The following RGS7 variants were observed in gnomAD, a reference collection of about 807,000 sequenced individuals.
The protein encoded by RGS7 is regulator of G-protein signaling 7.
In RGS7, 27 loss-of-function variants were observed where a neutral mutation model predicts 81.1. The observed-to-expected ratio is 0.33, with a 90% CI of 0.25 to 0.46. The LOEUF (loss-of-function observed/expected upper bound fraction) is 0.46. Among genes scored for constraint, RGS7 ranks in the 20% least tolerant of loss-of-function variants. The pLI, the probability that RGS7 is intolerant of heterozygous loss-of-function variation, is 1.00. For synonymous variants in RGS7, 208 were observed against 207.7 expected (o/e 1.00, Z -0.01); for missense variants, 396 against 607.4 (o/e 0.65, Z 3.66).
At chr1:240,941,016 G>A (rs1195178784) in intron 4 of RGS7, among the ~76,000 whole-genome samples, 4 of 152,104 alleles carry the variant, frequency 2.6e-5, no homozygotes, top group Non-Finnish European at 5.9e-5. Context: ...ATTTTCATTT[G>A]ATTTGATGAT....
At chr1:241,239,630 C>T (rs1306134061) in intron 2 of RGS7, among the ~76,000 whole-genome samples, 2 of 152,166 alleles carry the variant, frequency 1.3e-5, no homozygotes, top group African/African-American at 4.8e-5. Flanking sequence ...TTACTCTCCA[C>T]TCCTTACCAG....
At chr1:240,979,984 T>C (rs967983836) in intron 4 of RGS7, among the ~76,000 whole-genome samples, 5 of 152,304 alleles carry the variant, frequency 3.3e-5, no homozygotes, top group African/African-American at 1.2e-4. Flanking sequence ...ATATATTTTA[T>C]AAAAGTGTAC....
chr1:240,873,720 G>A (rs1015573493), intron 6 of RGS7, among the ~76,000 whole-genome samples: 1 of 152,096 alleles, frequency 6.6e-6, no homozygotes, highest in African/African-American at 2.4e-5. Flanking sequence ...ACAGGTCAGC[G>A]AGAAAATCAC....
At chr1:240,816,446 G>A (rs533272021) in intron 10 of RGS7, 31 bp from the exon 11 acceptor site, 4 of 1,374,012 alleles carry the variant, frequency 2.9e-6, no homozygotes, top group South Asian at 2.3e-5. Flanking sequence ...AACATTTTAG[G>A]ACAAAATACC....
At chr1:241,025,378 C>G (rs988612788) in intron 3 of RGS7, among the ~76,000 whole-genome samples, 2 of 152,152 alleles carry the variant, frequency 1.3e-5, no homozygotes, top group African/African-American at 4.8e-5. Context: ...TTAATCCTTA[C>G]AAAAATTATT....
intron 3 of RGS7, among the ~76,000 whole-genome samples, chr1:241,087,114 C>A (rs900278344): frequency 2.0e-5 from 3 of 152,154 alleles, no homozygotes; most frequent in African/African-American, 7.2e-5. Flanking sequence ...TATCGCTAGG[C>A]CTGACAAAAC....
chr1:241,217,154 G>C (rs1915882), intron 2 of RGS7, among the ~76,000 whole-genome samples: 46,468 of 151,950 alleles, frequency 0.31, 8,181 homozygotes, highest in East Asian at 0.59. Context: ...AATAGGATTG[G>C]TGTCCTTATA....
chr1:240,896,058 T>A (rs986256843), intron 6 of RGS7, among the ~76,000 whole-genome samples: 17 of 152,242 alleles, frequency 1.1e-4, no homozygotes, highest in Non-Finnish European at 2.1e-4. Flanking sequence ...GATTTTTTCA[T>A]GTGTCTTTTG....
intron 6 of RGS7, among the ~76,000 whole-genome samples, chr1:240,892,151 A>G (rs1668383915): frequency 6.6e-6 from 1 of 152,242 alleles, no homozygotes; most frequent in Admixed American, 6.5e-5. Flanking sequence ...ATATAACTCT[A>G]TGCTAATGGT....
chr1:241,131,539 TA>T (rs2067102149), intron 2 of RGS7, among the ~76,000 whole-genome samples: 1 of 152,124 alleles, frequency 6.6e-6, no homozygotes, highest in East Asian at 1.9e-4. Context: ...AGAAGACTGG[TA>T]AAAATTGGTA....
At position 241,297,628 on chromosome 1, in the gene RGS7, G is replaced by C. The variant is rs566312908; in HGVS notation, c.78+58071C>G. Among the ~76,000 whole-genome samples, 6 of 152,320 alleles carry C rather than the reference G, an allele frequency of 3.9e-5. No individual in the cohort carries two copies. The South Asian group carries it at 1.2e-3, about 32-fold the overall frequency. ...CAGTGTAATTGGCCAATGCTCGGAA[G>C]AATGACATAACGAAGCTTGGGGTTG... is the stretch of plus-strand genomic sequence containing the variant. On this transcript the variant is annotated intron_variant, in intron 2 of 18. Coordinates refer to ENST00000440928, the MANE Select transcript of RGS7 (RefSeq NM_001364886.1).
intron 2 of RGS7, among the ~76,000 whole-genome samples, chr1:241,106,394 A>T (rs563763568): frequency 9.2e-5 from 14 of 152,328 alleles, no homozygotes; most frequent in Admixed American, 7.8e-4. Flanking sequence ...TCCTAGTTTA[A>T]CTTAAATATA....
intron 2 of RGS7, among the ~76,000 whole-genome samples, chr1:241,222,885 A>T (rs2075099946): frequency 6.8e-6 from 1 of 147,596 alleles, no homozygotes; most frequent in Non-Finnish European, 1.5e-5. Flanking sequence ...TCATTGTTTA[A>T]CTCCCACTTA....
intron 6 of RGS7, among the ~76,000 whole-genome samples, chr1:240,909,685 G>A (rs956542196): frequency 6.6e-6 from 1 of 152,174 alleles, no homozygotes; most frequent in Non-Finnish European, 1.5e-5. Flanking sequence ...TATATAGTCA[G>A]CTTTTTGTCA....
Position 241,311,905 on chromosome 1 carries a change from C to T in RGS7, c.78+43794G>A, listed in dbSNP as rs1006034122. On this transcript the variant is annotated intron_variant, in intron 2 of 18. Coordinates refer to ENST00000440928, the MANE Select transcript of RGS7 (RefSeq NM_001364886.1). ...CTGCTACTTAAAAGGAGTATATACA[C>T]GGAAGAAACACCTCAGCGCAGCTCT... Among the ~76,000 whole-genome samples, 86 of 152,174 alleles carry T rather than the reference C, an allele frequency of 5.7e-4. 2 individuals are homozygous for T. Among genetic ancestry groups the T allele is most frequent in the Non-Finnish European group, 2.4e-4 (16 of 68,034 alleles).
chr1:241,074,374 G>C (rs980724520), intron 3 of RGS7, among the ~76,000 whole-genome samples: 3 of 152,152 alleles, frequency 2.0e-5, no homozygotes, highest in African/African-American at 4.8e-5. Context: ...AATTGGTGAG[G>C]ATTGAGGAAT....
At chr1:240,969,408 T>C (rs16841172) in intron 4 of RGS7, among the ~76,000 whole-genome samples, 2,274 of 152,280 alleles carry the variant, frequency 0.015, 52 homozygotes, top group African/African-American at 0.051. Context: ...TTCATTTTTG[T>C]TTTTTCTAGT....
chr1:240,880,248 C>T (rs1218123224), intron 6 of RGS7, among the ~76,000 whole-genome samples: 1 of 152,216 alleles, frequency 6.6e-6, no homozygotes, highest in Non-Finnish European at 1.5e-5. Flanking sequence ...CCCCATATTG[C>T]CCAGGTTGAT....
intron 6 of RGS7, among the ~76,000 whole-genome samples, chr1:240,871,687 G>A (rs1277066046): frequency 1.6e-4 from 25 of 152,114 alleles, no homozygotes; most frequent in Admixed American, 1.3e-3. Context: ...TACTATAGAC[G>A]CCACTGTGAC....
Sources: allele counts gnomAD v4.1 joint callset (sites outside exome capture counted in the v4.1 genomes callset), GRCh38; gene constraint gnomAD v4.1.1; transcripts MANE v1.5; gene names NCBI Gene and HGNC (gene_info 2026-07-23, HGNC 2026-07-21).